Variants in USP40 observed in about 807,000 individuals in gnomAD.
USP40 encodes the protein ubiquitin specific peptidase 40.
A neutral mutation model predicts 166.2 loss-of-function variants in USP40; 143 were observed. That is an observed-to-expected ratio of 0.86 (90% confidence interval 0.75 to 0.99). The LOEUF (loss-of-function observed/expected upper bound fraction) is 0.99, where lower values mean the gene tolerates loss of function less well. USP40 is among the 50% of genes least tolerant of loss of function. The pLI, the probability that USP40 is intolerant of heterozygous loss-of-function variation, is 0.00. For synonymous variants in USP40, 498 were observed against 524.0 expected (o/e 0.95, Z 0.68); for missense variants, 1,444 against 1,479.7 (o/e 0.98, Z 0.40).
At chr2:233,546,110 C>T (rs2069898318) in intron 8 of USP40, 1 of 152,186 alleles carries the variant, frequency 6.6e-6, no homozygotes, top group South Asian at 2.1e-4. Context: ...GGTGTTAGAG[C>T]TTCAAAAATG....
intron 17 of USP40, among the ~76,000 whole-genome samples, chr2:233,519,930 T>C (rs2067539600): frequency 6.6e-6 from 1 of 152,124 alleles, no homozygotes; most frequent in African/African-American, 2.4e-5. Flanking sequence ...CTACAGAAAC[T>C]GTAGAAAACT....
At chr2:233,492,818 A>C (rs1323510555) in intron 25 of USP40, 1 of 152,268 alleles carries the variant, frequency 6.6e-6, no homozygotes, top group African/African-American at 2.4e-5. Context: ...TACTCGCTCC[A>C]TTTCTTTATA....
At chr2:233,522,967 C>T (rs929029247) in intron 16 of USP40, among the ~76,000 whole-genome samples, 4 of 152,132 alleles carry the variant, frequency 2.6e-5, no homozygotes, top group Non-Finnish European at 5.9e-5. Context: ...ACCACATTTA[C>T]CAAAAAGTCC....
chr2:233,547,668 C>T (rs2070103904), intron 8 of USP40, among the ~76,000 whole-genome samples: 1 of 152,176 alleles, frequency 6.6e-6, no homozygotes, highest in African/African-American at 2.4e-5. Context: ...GAACTAGACA[C>T]CGGTTAGCAC....
chr2:233,478,950 T>C (rs2064358843), intron 31 of USP40, among the ~76,000 whole-genome samples: 1 of 152,122 alleles, frequency 6.6e-6, no homozygotes, highest in African/African-American at 2.4e-5. Flanking sequence ...TGAACCTCTT[T>C]GGTGGCTTTT....
At chr2:233,513,153 TAG>T (rs1250706796) in intron 18 of USP40, among the ~76,000 whole-genome samples, 1 of 152,192 alleles carries the variant, frequency 6.6e-6, no homozygotes, top group Non-Finnish European at 1.5e-5. Flanking sequence ...GCTTATAATA[TAG>T]AGTGACATTT....
Position 233,477,280 on chromosome 2 carries a change from G to T in USP40, c.*112C>A. On this transcript the variant is annotated 3_prime_UTR_variant, in exon 32 of 32. Coordinates refer to ENST00000678225, the MANE Select transcript of USP40 (RefSeq NM_001365479.2). ...GGAGCCGTCCCTGTGCTCAAAGGAA[G>T]CAGAGGATTTGGGATTGGAGGCGCC... is the stretch of plus-strand genomic sequence containing the variant. 2 of 959,830 alleles carry T rather than the reference G, an allele frequency of 2.1e-6. No homozygotes were observed. Among genetic ancestry groups the T allele is most frequent in the Non-Finnish European group, 3.2e-6 (2 of 622,880 alleles). The allele number at this position is 959,830 out of a possible 1,614,324, so 59.5% of individuals were successfully genotyped here.
At chr2:233,536,932 C>G (rs1423848965) in intron 10 of USP40, among the ~76,000 whole-genome samples, 1 of 152,096 alleles carries the variant, frequency 6.6e-6, no homozygotes, top group African/African-American at 2.4e-5. Flanking sequence ...GTTGCCCAGT[C>G]TGCAGTGCAG....
chr2:233,512,533 A>G lies in USP40; in HGVS notation c.2437+36T>C, dbSNP rs139080159. 2.6e-4 allele frequency: 392 copies of G among 1,500,112 alleles called. 4 individuals are homozygous for G. In the African/African-American group the frequency reaches 4.7e-3, roughly 18 times the overall value. The allele number at this position is 1,500,112 out of a possible 1,614,324, so 92.9% of individuals were successfully genotyped here. On this transcript the variant is annotated intron_variant, in intron 19 of 31. Transcript: ENST00000678225. ...TATTTATCAAGAAAGACAGACGAGTATAAGCCACCTTTTGAAAGTTATCAA... is the reference window on the plus strand; with the variant it reads ...TATTTATCAAGAAAGACAGACGAGTGTAAGCCACCTTTTGAAAGTTATCAA...
intron 21 of USP40, among the ~76,000 whole-genome samples, chr2:233,501,784 T>G (rs1243432648): frequency 6.6e-6 from 1 of 152,180 alleles, no homozygotes; most frequent in East Asian, 1.9e-4. Context: ...TCAGGGAGAA[T>G]AAGAAGAGCT....
rs1203339243 is a variant in USP40 at position 233,482,582 on chromosome 2, G to GTTTTTTT, written c.3505-1292_3505-1286dup. On this transcript the variant is annotated intron_variant, in intron 30 of 31. Coordinates refer to ENST00000678225, the MANE Select transcript of USP40 (RefSeq NM_001365479.2). ...TGTACCAACTTGTGTTCCCACTGGAGTTTTTTTTTTTTGTTTTTTTTTTTT... is the reference window on the plus strand; with the variant it reads ...TGTACCAACTTGTGTTCCCACTGGAGTTTTTTTTTTTTTTTTTTTGTTTTTTTTTTTT... Among the ~76,000 whole-genome samples, 334 of 136,952 alleles carry GTTTTTTT rather than the reference G, an allele frequency of 2.4e-3. 4 individuals carry two copies. The highest frequency in any genetic ancestry group is 8.8e-3 in the African/African-American group (311 of 35,318). 89.8% of individuals were successfully genotyped at this position (136,952 alleles called of 152,430 possible).
At position 233,481,192 on chromosome 2, in the gene USP40, CCAG is replaced by C. The variant is rs1559209069; in HGVS notation, c.3599+8_3599+10del. ...TGTCAGCTGCACATCTGTGCAGACC[CCAG>C]CAATTACCTTTTCCTTCTCCCCAGG... On this transcript the variant is annotated splice_region_variant and intron_variant, in intron 31 of 31. Coordinates refer to ENST00000678225, the MANE Select transcript of USP40 (RefSeq NM_001365479.2). 2 of 1,595,208 alleles carry C rather than the reference CCAG, an allele frequency of 1.3e-6. No individual in the cohort carries two copies. The highest frequency in any genetic ancestry group is 2.3e-5 in the South Asian group (2 of 87,582).
At position 233,521,118 on chromosome 2, in the gene USP40, T is replaced by C; in HGVS notation, c.2202-4A>G. ...TTTCTCTTCCTTGGTCAACAAGCTG[T>C]AGGTAAAAAGAAAAGATCAGAAATT... is the stretch of plus-strand genomic sequence containing the variant. On this transcript the variant is annotated splice_region_variant and splice_polypyrimidine_tract_variant and intron_variant, in intron 16 of 31. Coordinates refer to ENST00000678225, the MANE Select transcript of USP40 (RefSeq NM_001365479.2). The C allele has an allele frequency of 6.2e-7, 1 of 1,607,088 alleles. No homozygotes were observed. The highest frequency in any genetic ancestry group is 8.5e-7 in the Non-Finnish European group (1 of 1,177,668).
intron 20 of USP40, among the ~76,000 whole-genome samples, chr2:233,511,192 T>C (rs1466916365): frequency 6.6e-6 from 1 of 152,208 alleles, no homozygotes; most frequent in Non-Finnish European, 1.5e-5. Flanking sequence ...TGGTGTTTTA[T>C]ACTGAAAATG....
intron 1 of USP40, 109 bp downstream of exon 1, chr2:233,566,575 A>C: frequency 1.6e-6 from 1 of 618,144 alleles, no homozygotes; most frequent in Non-Finnish European, 2.0e-6. Context: ...CCGCGTCCTC[A>C]GGCAGGCCTG....
At chr2:233,549,321 T>G in intron 7 of USP40, 92 bp from the exon 8 acceptor site, 1 of 815,130 alleles carries the variant, frequency 1.2e-6, no homozygotes. Flanking sequence ...CTGAAATTAA[T>G]AAGAAACTTC....
intron 10 of USP40, among the ~76,000 whole-genome samples, chr2:233,536,950 T>A (rs1430952883): frequency 6.6e-6 from 1 of 152,146 alleles, no homozygotes; most frequent in Non-Finnish European, 1.5e-5. Flanking sequence ...CAGTGCATGA[T>A]CATAGCTCAC....
At chr2:233,519,395 G>A (rs1339502290) in intron 18 of USP40, 1 of 437,588 alleles carries the variant, frequency 2.3e-6, no homozygotes, top group Non-Finnish European at 4.2e-6. Flanking sequence ...GGGAAGGAGA[G>A]AAAGAATAGG....
At chr2:233,548,030 C>A (rs1053413516) in intron 8 of USP40, among the ~76,000 whole-genome samples, 12 of 151,798 alleles carry the variant, frequency 7.9e-5, no homozygotes, top group Admixed American at 3.3e-4. Flanking sequence ...AAAAAATGAA[C>A]AATGGAATAG....
Sources: gnomAD v4.1 joint callset for allele counts (sites outside exome capture counted in the v4.1 genomes callset) on GRCh38, gnomAD v4.1.1 for gene constraint, MANE v1.5 for transcripts, NCBI Gene and HGNC (gene_info 2026-07-23, HGNC 2026-07-21) for gene names.